Variants in PRKACB observed in about 807,000 individuals in gnomAD.
PRKACB encodes protein kinase cAMP-activated catalytic subunit beta.
In PRKACB, 16 loss-of-function variants were observed where a neutral mutation model predicts 51.4. That is an observed-to-expected ratio of 0.31 (90% CI 0.21 to 0.47). The LOEUF is 0.47. Among genes scored for constraint, PRKACB ranks in the 20% least tolerant of loss-of-function variants. The pLI is 1.00. For missense variants in PRKACB, 309 were observed against 464.5 expected, an observed-to-expected ratio of 0.67 and a Z score of 3.08; for synonymous variants, 147 against 154.4, an observed-to-expected ratio of 0.95 and a Z score of 0.35.
At chr1:84,111,806 A>G (rs775562881) in intron 1 of PRKACB, among the ~76,000 whole-genome samples, 1 of 152,092 alleles carries the variant, frequency 6.6e-6, no homozygotes, top group Non-Finnish European at 1.5e-5. Flanking sequence ...AGTAAAAGAC[A>G]TAACAACTAA....
intron 1 of PRKACB, chr1:84,078,483 C>T: frequency 1.6e-6 from 2 of 1,268,624 alleles, no homozygotes; most frequent in South Asian, 1.4e-5. Flanking sequence ...CTAGCAGCGG[C>T]CGCCGGGAGT....
At position 84,100,394 on chromosome 1, in the gene PRKACB, G is replaced by A. The variant is rs573090505; in HGVS notation, c.46+22023G>A. On this transcript the variant is annotated intron_variant, in intron 1 of 8. Coordinates refer to the PRKACB transcript ENST00000370688. ...AATATATTTATATTCATATCCTCAG[G>A]ATCATCAAGAATAAAAAGATATAAA... Among the ~76,000 whole-genome samples the A allele has an allele frequency of 5.3e-4, 81 of 152,074 alleles. 1 individual carries two copies. The South Asian group carries it at 0.016, about 30-fold the overall frequency.
intron 1 of PRKACB, among the ~76,000 whole-genome samples, chr1:84,120,409 C>T (rs573000058): frequency 2.6e-5 from 4 of 152,094 alleles, no homozygotes; most frequent in African/African-American, 9.6e-5. Context: ...ATTGTCTATA[C>T]ATGCACAAAC....
At chr1:84,111,416 A>G (rs959728210) in intron 1 of PRKACB, among the ~76,000 whole-genome samples, 2 of 152,138 alleles carry the variant, frequency 1.3e-5, no homozygotes, top group Non-Finnish European at 2.9e-5. Context: ...GGTTAGTTCA[A>G]TGCTAAATCA....
intron 8 of PRKACB, among the ~76,000 whole-genome samples, chr1:84,209,300 C>A (rs1671793341): frequency 6.6e-6 from 1 of 152,068 alleles, no homozygotes; most frequent in South Asian, 2.1e-4. Context: ...AACTTGAAAT[C>A]TTCACTTGGA....
exon 1 of PRKACB, chr1:84,078,317 G>T: frequency 4.3e-6 from 7 of 1,609,702 alleles, no homozygotes; most frequent in Admixed American, 1.7e-5. Context: ...TCTTGCCATC[G>T]CCCCAGACAT....
At chr1:84,210,524 C>T (rs967290417) in intron 8 of PRKACB, among the ~76,000 whole-genome samples, 1 of 152,064 alleles carries the variant, frequency 6.6e-6, no homozygotes, top group Non-Finnish European at 1.5e-5. Context: ...ATTCTACTAA[C>T]GGAGTTGGTA....
At chr1:84,123,534 A>G (rs771418691) in intron 1 of PRKACB, among the ~76,000 whole-genome samples, 2 of 151,980 alleles carry the variant, frequency 1.3e-5, no homozygotes, top group Admixed American at 6.6e-5. Flanking sequence ...ATTGCCATTT[A>G]TTAAAAAAAA....
Position 84,215,995 on chromosome 1 carries a change from A to C in PRKACB, c.1071+1678A>C, listed in dbSNP as rs927394362. ...GAAAAAAAAATTTAATGCTCTAATT[A>C]AGTATTAAAAGCACAGTTTTTCTAA... On this transcript the variant is annotated intron_variant, in intron 9 of 9. Coordinates refer to ENST00000370685, the MANE Select transcript of PRKACB (RefSeq NM_182948.4). Among the ~76,000 whole-genome samples, 88 of 152,150 alleles carry C rather than the reference A, an allele frequency of 5.8e-4. 2 individuals are homozygous for C. The highest frequency in any genetic ancestry group is 1.9e-4 in the Non-Finnish European group (13 of 68,034).
intron 7 of PRKACB, among the ~76,000 whole-genome samples, chr1:84,201,548 T>C (rs1377113754): frequency 1.3e-5 from 2 of 152,082 alleles, no homozygotes; most frequent in Non-Finnish European, 2.9e-5. Flanking sequence ...ATTCCTGTTA[T>C]ACCACTCCTT....
chr1:84,125,133 G>C (rs1651457640), intron 1 of PRKACB, among the ~76,000 whole-genome samples: 1 of 152,122 alleles, frequency 6.6e-6, no homozygotes, highest in Non-Finnish European at 1.5e-5. Flanking sequence ...GAGTTTCTGG[G>C]GAAGAATTTA....
Position 84,235,491 on chromosome 1 carries a change from A to T in PRKACB, c.*186A>T, listed in dbSNP as rs1676585344. 1 of 673,258 alleles carries T rather than the reference A, an allele frequency of 1.5e-6. No individual in the cohort carries two copies. Among genetic ancestry groups the T allele is most frequent in the South Asian group, 2.0e-5 (1 of 49,850 alleles). 41.7% of individuals were successfully genotyped at this position (673,258 alleles called of 1,614,324 possible). A position where few individuals can be genotyped will look rare whatever the true frequency, so the allele number is the denominator to read the frequency against. On this transcript the variant is annotated 3_prime_UTR_variant, in exon 10 of 10. Transcript: ENST00000370685. ...CCACCTATGTAACAAGGCACCGCTA[A>T]GCAAGCATTGTCTGTGCCATAACAC...
chr1:84,219,598 G>T (rs1181677821), intron 9 of PRKACB, among the ~76,000 whole-genome samples: 2 of 151,118 alleles, frequency 1.3e-5, no homozygotes, highest in Non-Finnish European at 2.9e-5. Flanking sequence ...TTATTTTTAA[G>T]TACTTAATTC....
At chr1:84,139,513 C>T (rs1653170227), upstream of PRKACB, among the ~76,000 whole-genome samples, 7 of 152,054 alleles carry the variant, frequency 4.6e-5, no homozygotes, top group Admixed American at 2.0e-4. Context: ...ATAAATCTAA[C>T]AAAATTATGT....
intron 1 of PRKACB, chr1:84,086,266 C>A: frequency 1.4e-6 from 2 of 1,410,662 alleles, no homozygotes; most frequent in African/African-American, 1.4e-5. Context: ...CCCTTGCCCC[C>A]ATGGGACCCC....
At chr1:84,223,122 C>T (rs1006073312) in intron 9 of PRKACB, among the ~76,000 whole-genome samples, 27 of 152,272 alleles carry the variant, frequency 1.8e-4, no homozygotes, top group African/African-American at 6.5e-4. Flanking sequence ...TTACCCATCA[C>T]TTTACCTTCT....
intron 1 of PRKACB, among the ~76,000 whole-genome samples, chr1:84,151,209 A>G (rs1228680401): frequency 1.3e-5 from 2 of 152,352 alleles, no homozygotes; most frequent in East Asian, 3.8e-4. Flanking sequence ...TTCCCAGTGC[A>G]TTTAAGTTAT....
At chr1:84,205,051 T>C (rs1558275136) in intron 8 of PRKACB, 1 of 982,836 alleles carries the variant, frequency 1.0e-6, no homozygotes. Flanking sequence ...TATATCACAA[T>C]ATTCTGTTTT....
intron 8 of PRKACB, among the ~76,000 whole-genome samples, chr1:84,213,585 TA>T (rs1423549844): frequency 6.6e-6 from 1 of 152,184 alleles, no homozygotes; most frequent in Non-Finnish European, 1.5e-5. Context: ...AAATCATTTT[TA>T]TACTGTTGCA....
Sources: allele counts gnomAD v4.1 joint callset (sites outside exome capture counted in the v4.1 genomes callset), GRCh38; gene constraint gnomAD v4.1.1; transcripts MANE v1.5; gene names NCBI Gene and HGNC (gene_info 2026-07-23, HGNC 2026-07-21).